Variants in DPP6 observed in about 807,000 individuals in gnomAD.
DPP6 encodes dipeptidyl peptidase like 6.
A neutral mutation model predicts 122.6 loss-of-function variants in DPP6; 69 were observed. The ratio of observed to expected loss-of-function variants is 0.56; its 90% CI spans 0.46 to 0.69. The LOEUF (loss-of-function observed/expected upper bound fraction) is 0.69. DPP6 is among the 30% of genes least tolerant of loss of function. DPP6 has a pLI of 0.00. For missense variants in DPP6, 928 were observed against 1,116.9 expected (o/e 0.83, Z 2.41); for synonymous variants, 418 against 433.1 (o/e 0.97, Z 0.43).
chr7:154,373,542 G>C (rs1812857309), intron 1 of DPP6, among the ~76,000 whole-genome samples: 1 of 152,104 alleles, frequency 6.6e-6, no homozygotes, highest in East Asian at 1.9e-4. Flanking sequence ...AGACTCCTAT[G>C]GATTTTGCAG....
chr7:154,614,594 T>G (rs1328179407), intron 5 of DPP6, among the ~76,000 whole-genome samples: 1 of 152,234 alleles, frequency 6.6e-6, no homozygotes, highest in African/African-American at 2.4e-5. Flanking sequence ...CTGAACTATT[T>G]GGTGGTTTCA....
chr7:154,152,421 CTG>C (rs1796471345), intron 1 of DPP6, among the ~76,000 whole-genome samples: 1 of 152,194 alleles, frequency 6.6e-6, no homozygotes, highest in Non-Finnish European at 1.5e-5. Flanking sequence ...CTTCCCAAGA[CTG>C]TGAGCACCTA....
chr7:154,077,813 G>A (rs1803677267), intron 1 of DPP6, among the ~76,000 whole-genome samples: 1 of 151,738 alleles, frequency 6.6e-6, no homozygotes, highest in Admixed American at 6.6e-5. Context: ...TGAGACTACA[G>A]GCACGCATCA....
chr7:153,994,157 A>T (rs1318006253), intron 1 of DPP6, among the ~76,000 whole-genome samples: 2 of 151,266 alleles, frequency 1.3e-5, no homozygotes, highest in Non-Finnish European at 3.0e-5. Flanking sequence ...CTCCCAATTC[A>T]TGTGTATTTC....
At chr7:154,744,570 G>A (rs1842955431) in intron 8 of DPP6, among the ~76,000 whole-genome samples, 1 of 152,236 alleles carries the variant, frequency 6.6e-6, no homozygotes, top group Admixed American at 6.5e-5. Flanking sequence ...AGGAGGCTGC[G>A]AGCCTTGCAA....
In DPP6 at chr7:154,317,901, A is replaced by G. The variant is rs76026184; in HGVS notation, c.244-128313A>G. On this transcript the variant is annotated intron_variant, in intron 1 of 25. Coordinates refer to ENST00000377770, the MANE Select transcript of DPP6 (RefSeq NM_130797.4). ...AGAAGATCAAGATTGCTGTGAGTGG[A>G]GAGTCTGGCTTGTATATTTTGCGAA... Among the ~76,000 whole-genome samples, 164 of 152,368 alleles carry G rather than the reference A, an allele frequency of 1.1e-3. 1 individual carries two copies. The East Asian group carries it at 0.021, about 20-fold the overall frequency.
At chr7:154,793,108 C>G (rs1374099321) in intron 10 of DPP6, among the ~76,000 whole-genome samples, 1 of 152,204 alleles carries the variant, frequency 6.6e-6, no homozygotes, top group East Asian at 1.9e-4. Context: ...AGGTCGCTCT[C>G]TGGCTCGCCA....
intron 8 of DPP6, among the ~76,000 whole-genome samples, chr7:154,754,063 G>A (rs1329219093): frequency 2.6e-5 from 4 of 151,950 alleles, no homozygotes; most frequent in Admixed American, 1.3e-4. Context: ...CTAATTTCCT[G>A]TCTGATCCAC....
intron 1 of DPP6, among the ~76,000 whole-genome samples, chr7:154,321,802 A>T (rs1220831633): frequency 6.6e-6 from 1 of 151,432 alleles, no homozygotes; most frequent in Non-Finnish European, 1.5e-5. Flanking sequence ...AAAAAAAAAA[A>T]AAAGAGGAAG....
chr7:153,806,631 G>A, the DPP6 span, among the ~76,000 whole-genome samples: 1 of 151,910 alleles, frequency 6.6e-6, no homozygotes, highest in Non-Finnish European at 1.5e-5. Context: ...TTACTTACAT[G>A]TCTCATCATT....
chr7:154,347,478 A>G (rs1293365223), intron 1 of DPP6, among the ~76,000 whole-genome samples: 2 of 152,242 alleles, frequency 1.3e-5, no homozygotes, highest in Non-Finnish European at 2.9e-5. Flanking sequence ...AAAGCATGAT[A>G]TAAAAATGGA....
At chr7:154,180,341 C>CAGATTGAT (rs1041924771) in intron 1 of DPP6, among the ~76,000 whole-genome samples, 1 of 147,690 alleles carries the variant, frequency 6.8e-6, no homozygotes, top group Non-Finnish European at 1.5e-5. Context: ...ACCCGGGAGA[C>CAGATTGAT]AGATAGATAG....
chr7:154,253,604 C>T (rs1802484020), intron 1 of DPP6, among the ~76,000 whole-genome samples: 1 of 152,052 alleles, frequency 6.6e-6, no homozygotes, highest in South Asian at 2.1e-4. Context: ...TATGACTAAA[C>T]TTATATGGTA....
intron 7 of DPP6, among the ~76,000 whole-genome samples, chr7:154,722,402 G>A (rs570147111): frequency 5.1e-4 from 78 of 152,228 alleles, no homozygotes; most frequent in African/African-American, 1.8e-3. Context: ...AACTCCTTAG[G>A]GCCAATGACA....
intron 5 of DPP6, chr7:154,587,826 C>T (rs781263955): frequency 1.2e-6 from 2 of 1,612,800 alleles, no homozygotes; most frequent in South Asian, 2.2e-5. Context: ...ATGGATACAG[C>T]ACAGCATTGC....
the DPP6 span, among the ~76,000 whole-genome samples, chr7:153,780,011 A>G: frequency 6.6e-6 from 1 of 151,764 alleles, no homozygotes; most frequent in African/African-American, 2.4e-5. Context: ...TAATGTCTAA[A>G]GTTATTTCAA....
At chr7:154,388,613 G>C (rs191072829) in intron 1 of DPP6, among the ~76,000 whole-genome samples, 15 of 152,240 alleles carry the variant, frequency 9.9e-5, no homozygotes, top group African/African-American at 3.6e-4. Flanking sequence ...CTGCTGGGGA[G>C]AACCTGCCCT....
At chr7:154,423,628 A>T (rs78432332) in intron 1 of DPP6, among the ~76,000 whole-genome samples, 12,490 of 152,298 alleles carry the variant, frequency 0.082, 788 homozygotes, top group African/African-American at 0.17. Flanking sequence ...GCCAATTGTT[A>T]TTCTTTAGGC....
chr7:154,608,268 G>T (rs1486071921), intron 5 of DPP6, among the ~76,000 whole-genome samples: 2 of 145,032 alleles, frequency 1.4e-5, no homozygotes, highest in Admixed American at 1.4e-4. Flanking sequence ...GTGAGCCACT[G>T]TGCCCCACCT....
Sources: allele counts gnomAD v4.1 joint callset (sites outside exome capture counted in the v4.1 genomes callset), GRCh38; gene constraint gnomAD v4.1.1; transcripts MANE v1.5; gene names NCBI Gene and HGNC (gene_info 2026-07-23, HGNC 2026-07-21).